The following ADCY2 variants were observed in gnomAD, a reference collection of about 807,000 sequenced individuals.
The protein encoded by ADCY2 is adenylate cyclase 2.
In ADCY2, 31 loss-of-function variants were observed where a neutral mutation model predicts 125.2. The observed-to-expected ratio is 0.25, with a 90% CI of 0.19 to 0.33. The LOEUF is 0.33. Ranked by LOEUF, ADCY2 falls within the 10% of genes least tolerant of loss-of-function variation. The pLI, the probability that ADCY2 is intolerant of heterozygous loss-of-function variation, is 1.00. For missense variants in ADCY2, 904 were observed against 1,418.2 expected (o/e 0.64, Z 5.82); for synonymous variants, 512 against 548.4 (o/e 0.93, Z 0.93).
At chr5:7,691,073 A>G (rs1360232999) in intron 5 of ADCY2, 1 of 352,556 alleles carries the variant, frequency 2.8e-6, no homozygotes, top group Middle Eastern at 7.8e-4. Context: ...GTTGTCCTTC[A>G]TAGCCCTGGC....
intron 15 of ADCY2, among the ~76,000 whole-genome samples, chr5:7,747,482 T>C (rs1026204116): frequency 1.3e-5 from 2 of 152,184 alleles, no homozygotes; most frequent in Admixed American, 6.5e-5. Flanking sequence ...CCGAGTTAGG[T>C]GTCCCCTGCA....
rs74667202 is a variant in ADCY2 at position 7,724,644 on chromosome 5, A to G, written c.1773+30A>G. The G allele has an allele frequency of 8.5e-4, 1,251 of 1,471,774 alleles. 12 individuals carry two copies. In the East Asian group the frequency reaches 0.024, roughly 28 times the overall value. The allele number at this position is 1,471,774 out of a possible 1,614,324, so 91.2% of individuals were successfully genotyped here. ...GTTTTTTTCTTCTTCAAAATCATCAATCGAGTTTTCTGAAATTTGAATTTC... is the reference window on the plus strand; with the variant it reads ...GTTTTTTTCTTCTTCAAAATCATCAGTCGAGTTTTCTGAAATTTGAATTTC... On this transcript the variant is annotated intron_variant, in intron 13 of 24. Transcript: ENST00000338316.
At chr5:7,666,474 T>C (rs146565111) in intron 4 of ADCY2, among the ~76,000 whole-genome samples, 1,728 of 152,044 alleles carry the variant, frequency 0.011, 32 homozygotes, top group African/African-American at 0.039. Context: ...TTCACCGTGT[T>C]AGTCAGGATG....
intron 4 of ADCY2, among the ~76,000 whole-genome samples, chr5:7,662,232 C>T (rs1419835952): frequency 6.6e-6 from 1 of 152,182 alleles, no homozygotes; most frequent in African/African-American, 2.4e-5. Flanking sequence ...GATAACAGAA[C>T]TCCTTAGGTT....
intron 2 of ADCY2, among the ~76,000 whole-genome samples, chr5:7,429,014 C>CAGAG (rs3033090): frequency 1.9e-4 from 28 of 149,894 alleles, no homozygotes; most frequent in East Asian, 2.0e-4. Flanking sequence ...AAGAGTTGCA[C>CAGAG]AGAGAGAGAG....
intron 3 of ADCY2, among the ~76,000 whole-genome samples, chr5:7,566,904 T>C (rs143779261): frequency 2.0e-5 from 3 of 152,282 alleles, no homozygotes; most frequent in Admixed American, 6.5e-5. Context: ...AAATAGCAAG[T>C]GTTCATTATA....
intron 7 of ADCY2, among the ~76,000 whole-genome samples, chr5:7,702,419 C>T (rs1228283737): frequency 6.6e-6 from 1 of 151,908 alleles, no homozygotes; most frequent in Non-Finnish European, 1.5e-5. Context: ...TGATGTTCCC[C>T]TTCCTGTGTC....
intron 14 of ADCY2, among the ~76,000 whole-genome samples, chr5:7,740,854 A>G (rs2126426203): frequency 6.6e-6 from 1 of 152,258 alleles, no homozygotes; most frequent in East Asian, 1.9e-4. Context: ...CTTATTAGAA[A>G]ATACAAAATA....
chr5:7,637,196 G>A (rs531162846), intron 4 of ADCY2, among the ~76,000 whole-genome samples: 11 of 152,238 alleles, frequency 7.2e-5, no homozygotes, highest in African/African-American at 2.4e-4. Flanking sequence ...GGGGCCGGGT[G>A]TGCTGGCTCA....
At chr5:7,416,374 G>A (rs553137654) in intron 2 of ADCY2, among the ~76,000 whole-genome samples, 5 of 152,254 alleles carry the variant, frequency 3.3e-5, no homozygotes, top group South Asian at 2.1e-4. Context: ...AGGGCTGGGC[G>A]CGGCCCCCAT....
At chr5:7,438,418 G>A (rs920518446) in intron 2 of ADCY2, among the ~76,000 whole-genome samples, 3 of 152,230 alleles carry the variant, frequency 2.0e-5, no homozygotes, top group African/African-American at 7.2e-5. Flanking sequence ...GTTAGAAGAT[G>A]GAGAGTATTG....
At position 7,709,356 on chromosome 5, in the gene ADCY2, T is replaced by C. The variant is rs1017769033; in HGVS notation, c.1547T>C (p.Met516Thr). ...GCACACCTACATCACAGGGACAGCA[T>C]GACCACAGAGAACGGCAAGATCAGC... ...PFAHLHHRDS[M>T]TTENGKISTT... The change falls in exon 10 of 25, where the codon ATG becomes ACG. Residue 516 changes from methionine to threonine, a missense_variant. Around this residue, in one of 7 missense-constraint regions of ADCY2, gnomAD observed 144 missense variants for 227.7 expected, o/e 0.63. Coordinates refer to ENST00000338316, the MANE Select transcript of ADCY2 (RefSeq NM_020546.3). The surrounding 1 kb of genome is among the most constrained non-coding windows in gnomAD (Gnocchi z 4.4). 3 of 1,609,880 alleles carry C rather than the reference T, an allele frequency of 1.9e-6. No homozygotes were observed. Among genetic ancestry groups the C allele is most frequent in the Non-Finnish European group, 2.5e-6 (3 of 1,178,106 alleles).
chr5:7,526,531 G>A (rs1298098726), intron 3 of ADCY2, among the ~76,000 whole-genome samples: 2 of 152,146 alleles, frequency 1.3e-5, no homozygotes, highest in African/African-American at 4.8e-5. Context: ...TAAGTACCCT[G>A]ATTTAATCAT....
chr5:7,778,744 C>T lies in ADCY2; in HGVS notation c.2385-5621C>T, dbSNP rs77539359. 7.9e-5 allele frequency among the ~76,000 whole-genome samples: 12 copies of T among 152,090 alleles called. No individual in the cohort carries two copies. The East Asian group carries it at 1.4e-3, about 17-fold the overall frequency. On this transcript the variant is annotated intron_variant, in intron 18 of 24. Coordinates refer to ENST00000338316, the MANE Select transcript of ADCY2 (RefSeq NM_020546.3). ...CCAATGGCTGGAATTTAGGATATTG[C>T]GATGTATTTTCACAATGTCCTAACG...
chr5:7,542,737 C>T (rs960804704), intron 3 of ADCY2, among the ~76,000 whole-genome samples: 1 of 152,192 alleles, frequency 6.6e-6, no homozygotes, highest in African/African-American at 2.4e-5. Context: ...CAAGGGTAGC[C>T]ATTTTTACTT....
intron 23 of ADCY2, among the ~76,000 whole-genome samples, chr5:7,819,673 G>C (rs1173275547): frequency 6.6e-6 from 1 of 152,186 alleles, no homozygotes; most frequent in Non-Finnish European, 1.5e-5. Flanking sequence ...GTCTCTCCCA[G>C]GAGGGGACTT....
chr5:7,594,761 G>T (rs570025557), intron 3 of ADCY2, among the ~76,000 whole-genome samples: 1 of 152,028 alleles, frequency 6.6e-6, no homozygotes, highest in Admixed American at 6.6e-5. Flanking sequence ...TCTATATTTG[G>T]GAAACATTCA....
chr5:7,495,985 C>G (rs1373210140), intron 2 of ADCY2, among the ~76,000 whole-genome samples: 1 of 152,160 alleles, frequency 6.6e-6, no homozygotes, highest in Non-Finnish European at 1.5e-5. Context: ...AAGTGCAGTT[C>G]TCCTAGGCAA....
At chr5:7,735,588 T>C (rs926604292) in intron 14 of ADCY2, among the ~76,000 whole-genome samples, 1 of 152,208 alleles carries the variant, frequency 6.6e-6, no homozygotes, top group East Asian at 1.9e-4. Flanking sequence ...TGATAATGTG[T>C]TTTTTCTTCT....
Sources: allele counts gnomAD v4.1 joint callset (sites outside exome capture counted in the v4.1 genomes callset), GRCh38; gene constraint gnomAD v4.1.1; regional missense constraint gnomAD v4.1.1; non-coding constraint Gnocchi (gnomAD v3.1); transcripts MANE v1.5; gene names NCBI Gene and HGNC (gene_info 2026-07-23, HGNC 2026-07-21).